Variants in PTPRD observed in about 807,000 individuals in gnomAD.
PTPRD encodes the protein receptor-type tyrosine-protein phosphatase delta.
Under a neutral mutation model 214.5 loss-of-function variants are expected in PTPRD, and 34 were observed. That is an observed-to-expected ratio of 0.16 (90% CI 0.12 to 0.21). The LOEUF (loss-of-function observed/expected upper bound fraction) is 0.21. PTPRD is among the 10% of genes least tolerant of loss of function. PTPRD has a pLI of 1.00. For missense variants in PTPRD, 2,545 were observed against 2,398.7 expected (o/e 1.06, Z -1.27); for synonymous variants, 1,128 against 845.7 (o/e 1.33, Z -5.79).
At chr9:8,320,065 G>C (rs3739578) in intron 44 of PTPRD, 99 bp from the exon 45 acceptor site, 1 of 1,410,276 alleles carries the variant, frequency 7.1e-7, no homozygotes, top group Non-Finnish European at 9.5e-7. Context: ...TCCACACTCC[G>C]TATCTCTTTA....
intron 10 of PTPRD, among the ~76,000 whole-genome samples, chr9:9,034,763 A>T (rs1358935518): frequency 1.3e-5 from 2 of 152,114 alleles, no homozygotes; most frequent in Admixed American, 6.6e-5. Context: ...TAAAATGGGG[A>T]TAGAAATAAC....
intron 11 of PTPRD, among the ~76,000 whole-genome samples, chr9:8,901,612 C>T (rs891863644): frequency 3.3e-5 from 5 of 152,164 alleles, no homozygotes; most frequent in Admixed American, 1.3e-4. Context: ...GAGGCTGGAA[C>T]GTAGGTCTCC....
chr9:8,364,163 G>A (rs2134018836), intron 39 of PTPRD, among the ~76,000 whole-genome samples: 1 of 152,328 alleles, frequency 6.6e-6, no homozygotes, highest in Non-Finnish European at 1.5e-5. Context: ...GGGTTTGCAA[G>A]TGCAAGAAAT....
intron 3 of PTPRD, among the ~76,000 whole-genome samples, chr9:10,246,280 G>A (rs923256982): frequency 5.3e-5 from 8 of 152,134 alleles, no homozygotes; most frequent in African/African-American, 1.9e-4. Flanking sequence ...TTTCGCTCTT[G>A]TTGCCCCGGC....
chr9:9,661,961 T>C (rs960669690), intron 7 of PTPRD, among the ~76,000 whole-genome samples: 1 of 151,784 alleles, frequency 6.6e-6, no homozygotes, highest in African/African-American at 2.4e-5. Context: ...CCAGATTTTA[T>C]ACTTCTTAAC....
intron 3 of PTPRD, among the ~76,000 whole-genome samples, chr9:10,078,500 A>T (rs1447945856): frequency 6.9e-6 from 1 of 144,430 alleles, no homozygotes; most frequent in African/African-American, 2.6e-5. Context: ...TGGGCGACAG[A>T]CCAAGACTCC....
At chr9:9,769,411 C>T (rs1014147182) in intron 5 of PTPRD, among the ~76,000 whole-genome samples, 3 of 145,460 alleles carry the variant, frequency 2.1e-5, no homozygotes, top group Non-Finnish European at 4.5e-5. Context: ...CTGCAAGCTC[C>T]GCCTCCCGGG....
At chr9:8,911,156 A>C (rs952655314) in intron 11 of PTPRD, among the ~76,000 whole-genome samples, 3 of 152,248 alleles carry the variant, frequency 2.0e-5, no homozygotes, top group African/African-American at 4.8e-5. Context: ...AAATAGCCAA[A>C]AAATTGAAAA....
intron 3 of PTPRD, among the ~76,000 whole-genome samples, chr9:10,287,984 A>G (rs550115702): frequency 1.3e-5 from 2 of 152,188 alleles, no homozygotes; most frequent in Non-Finnish European, 2.9e-5. Flanking sequence ...AAGTTTGAAT[A>G]ACTTGCAAAG....
intron 8 of PTPRD, among the ~76,000 whole-genome samples, chr9:9,517,255 CAA>C (rs2096860856): frequency 6.6e-6 from 1 of 151,986 alleles, no homozygotes; most frequent in African/African-American, 2.4e-5. Flanking sequence ...TAGTTAGAAA[CAA>C]GAGACAATAA....
chr9:8,887,629 A>G (rs1327463374), intron 11 of PTPRD, among the ~76,000 whole-genome samples: 3 of 152,178 alleles, frequency 2.0e-5, no homozygotes, highest in South Asian at 4.1e-4. Context: ...TTGCCCATCT[A>G]AAGCTCTTGA....
intron 8 of PTPRD, among the ~76,000 whole-genome samples, chr9:9,527,500 T>C (rs1471676996): frequency 6.6e-6 from 1 of 152,198 alleles, no homozygotes; most frequent in Admixed American, 6.5e-5. Context: ...AATCAAAAAT[T>C]TGCTAGATTT....
At chr9:8,951,216 T>G (rs1375501075) in intron 11 of PTPRD, among the ~76,000 whole-genome samples, 3 of 151,046 alleles carry the variant, frequency 2.0e-5, no homozygotes, top group Admixed American at 1.3e-4. Flanking sequence ...AGACATCAAC[T>G]ACTTGAAGCA....
chr9:9,525,213 G>A (rs2073839800), intron 8 of PTPRD, among the ~76,000 whole-genome samples: 1 of 152,030 alleles, frequency 6.6e-6, no homozygotes, highest in Non-Finnish European at 1.5e-5. Flanking sequence ...GTTGTCTTTT[G>A]GAAGATCTGG....
At chr9:9,550,413 T>C (rs1372273120) in intron 8 of PTPRD, among the ~76,000 whole-genome samples, 1 of 121,036 alleles carries the variant, frequency 8.3e-6, no homozygotes, top group Non-Finnish European at 2.0e-5. Context: ...TGTATAATTT[T>C]ATATATAAAA....
intron 11 of PTPRD, among the ~76,000 whole-genome samples, chr9:8,894,073 G>A (rs941586882): frequency 3.9e-5 from 6 of 152,036 alleles, no homozygotes; most frequent in African/African-American, 1.4e-4. Context: ...ACCAATCTAG[G>A]CCAGGTGCGG....
chr9:10,035,028 C>T (rs1049996448), intron 3 of PTPRD, among the ~76,000 whole-genome samples: 1 of 152,184 alleles, frequency 6.6e-6, no homozygotes, highest in Admixed American at 6.6e-5. Flanking sequence ...GTAGTCTCCA[C>T]ACTGTCTTCC....
chr9:9,494,792 T>C (rs1238466584), intron 8 of PTPRD, among the ~76,000 whole-genome samples: 1 of 152,200 alleles, frequency 6.6e-6, no homozygotes, highest in Admixed American at 6.5e-5. Context: ...ATAAGTTTCT[T>C]TGCAGAAATA....
intron 14 of PTPRD, among the ~76,000 whole-genome samples, chr9:8,553,211 T>TA (rs2082633145): frequency 6.6e-6 from 1 of 152,180 alleles, no homozygotes; most frequent in Admixed American, 6.5e-5. Flanking sequence ...CAAATCAACT[T>TA]AAAAATGCTA....
Sources: allele counts gnomAD v4.1 joint callset (sites outside exome capture counted in the v4.1 genomes callset), GRCh38; gene constraint gnomAD v4.1.1; transcripts MANE v1.5; gene names NCBI Gene and HGNC (gene_info 2026-07-23, HGNC 2026-07-21).